GPR162: variants seen among roughly 807,000 people sequenced by gnomAD.
GPR162 encodes the protein probable G protein-coupled receptor 162.
A neutral mutation model predicts 44.9 loss-of-function variants in GPR162; 26 were observed. That is an observed-to-expected ratio of 0.58 (90% confidence interval 0.42 to 0.80). The LOEUF is 0.80. Ranked by LOEUF, GPR162 falls within the 30% of genes least tolerant of loss-of-function variation. The probability of loss-of-function intolerance (pLI) is 0.00; values close to 1 mark genes in which losing one functional copy is unlikely to be tolerated. For missense variants in GPR162, 704 were observed against 802.3 expected (o/e 0.88, Z 1.48); for synonymous variants, 363 against 335.2 (o/e 1.08, Z -0.91).
At position 6,822,148 on chromosome 12, in the gene GPR162, C is replaced by A. The variant is rs1274361189; in HGVS notation, c.-432+248C>A. On this transcript the variant is annotated intron_variant, in intron 1 of 4. Transcript: ENST00000311268. This position sits in a 1 kb window ranked among gnomAD's most constrained non-coding sequence, Gnocchi z 4.2. ...TCCTCTGATCTCTCCCTGTCCTTCACCTCCCTCTCTCTGTCCTTCACATCT... is the reference window on the plus strand; with the variant it reads ...TCCTCTGATCTCTCCCTGTCCTTCAACTCCCTCTCTCTGTCCTTCACATCT... Among the ~76,000 whole-genome samples, 1 of 152,190 alleles carries A rather than the reference C, an allele frequency of 6.6e-6. No individual in the cohort carries two copies. Among genetic ancestry groups the A allele is most frequent in the East Asian group, 1.9e-4 (1 of 5,178 alleles).
chr12:6,827,095 G>T lies in GPR162; in HGVS notation c.1658G>T (p.Gly553Val), dbSNP rs782377573. 1.1e-5 allele frequency: 17 copies of T among 1,613,302 alleles called. No homozygotes were observed. The East Asian group carries it at 3.6e-4, about 34-fold the overall frequency. Residue 553 changes from glycine to valine, a missense_variant, in exon 5 of 5, where the codon GGA becomes GTA. Physicochemically the swap from Gly to Val is moderately radical, Grantham distance 109 (BLOSUM62 -3). Around this residue, in one of 6 missense-constraint regions of GPR162, gnomAD observed 404 missense variants for 314.1 expected, o/e 1.29. Transcript: ENST00000311268. ...AGCAGAGCCGTTGGACTTCCTTTGG[G>T]ACTAAGCGCAGGGAGACGCTGCTCC... ...PESRAVGLPL[G>V]LSAGRRCSLT... is the part of the protein sequence containing the mutation.
rs1943318818 is a variant in GPR162, at chr12:6,824,149, A to G, written c.251A>G (p.Asp84Gly). The change falls in exon 2 of 5, where the codon GAC becomes GGC. Residue 84 changes from aspartate (D) to glycine (G), a missense_variant. Physicochemically the swap from Asp to Gly is moderately conservative, Grantham distance 94. This residue lies in a region of GPR162 where 110 missense variants were observed against 206.2 expected (regional missense o/e 0.53). Transcript: ENST00000311268. Reference sequence around the variant, plus strand: ...CGTCGTCAGGCTTCCTCCGACTATGACTGGAACGAGAGTATCTGCAAGGTC... The same window carrying G: ...CGTCGTCAGGCTTCCTCCGACTATGGCTGGAACGAGAGTATCTGCAAGGTC... ...QLRRQASSDYDWNESICKVFV... is the reference protein window; with the variant it reads ...QLRRQASSDYGWNESICKVFV... The G allele has an allele frequency of 6.2e-7, 1 of 1,613,900 alleles. No individual in the cohort carries two copies. The highest frequency in any genetic ancestry group is 2.2e-5 in the East Asian group (1 of 44,886).
chr12:6,825,461 A>T, intron 2 of GPR162, 23 bp from the exon 3 acceptor site: 3 of 1,563,996 alleles, frequency 1.9e-6, no homozygotes, highest in Non-Finnish European at 2.6e-6. Flanking sequence ...GCCCTGACCC[A>T]GCCCGCTCCC....
At chr12:6,826,060 A>G (rs1943350116) in intron 3 of GPR162, 136 bp from the exon 4 acceptor site, 1 of 674,776 alleles carries the variant, frequency 1.5e-6, no homozygotes, top group African/African-American at 1.8e-5. Context: ...AGCAAATGCT[A>G]GCCACTCTCA....
chr12:6,826,667 G>C lies in GPR162; in HGVS notation c.1230G>C (p.Arg410=), dbSNP rs1943360981. The C allele has an allele frequency of 6.6e-7, 1 of 1,521,096 alleles. No homozygotes were observed. Among genetic ancestry groups the C allele is most frequent in the Non-Finnish European group, 8.8e-7 (1 of 1,136,520 alleles). 94.2% of individuals were successfully genotyped at this position (1,521,096 alleles called of 1,614,324 possible). A position where few individuals can be genotyped will look rare whatever the true frequency, so the allele number is the denominator to read the frequency against. ...CCTCTTCCCAGGTCCCCCTATCCCG[G>C]CGTCTGTCCCATGATGAGACAAACA... ...RVHYLQVPLS[R]RLSHDETNIF... The change falls in exon 5 of 5, where the codon CGG becomes CGC. Residue 410 remains arginine (R), a synonymous_variant. Coordinates refer to ENST00000311268, the MANE Select transcript of GPR162 (RefSeq NM_019858.2).
intron 4 of GPR162, 139 bp from the exon 5 acceptor site, chr12:6,826,514 T>C: frequency 9.4e-7 from 1 of 1,068,022 alleles, no homozygotes; most frequent in Non-Finnish European, 1.3e-6. Flanking sequence ...CCTTCAGACC[T>C]CGTGGGGCCA....
chr12:6,826,199 G>A lies in GPR162; in HGVS notation c.1061G>A (p.Gly354Glu). The A allele has an allele frequency of 1.9e-6, 3 of 1,613,248 alleles. No homozygotes were observed. The highest frequency in any genetic ancestry group is 1.7e-6 in the Non-Finnish European group (2 of 1,179,506). ...CTCTGCCCATTTTCTCTCCTAGATG[G>A]GGGCTGTGACGACTATGCAGAGGGC... ...IMSEEDGDDD[G>E]GCDDYAEGRV... Residue 354 changes from glycine (G) to glutamate (E), a missense_variant, in exon 4 of 5, where the codon GGG (glycine) becomes GAG (glutamate). By Grantham distance (98) the Gly-to-Glu change is moderately conservative. Transcript: ENST00000311268.
At position 6,823,000 on chromosome 12, in the gene GPR162, T is replaced by C. The variant is rs1381907124; in HGVS notation, c.-431-468T>C. On this transcript the variant is annotated intron_variant, in intron 1 of 4. Coordinates refer to ENST00000311268, the MANE Select transcript of GPR162 (RefSeq NM_019858.2). The surrounding 1 kb of genome is among the most constrained non-coding windows in gnomAD (Gnocchi z 4.2). ...GGGTGATCACCCAGGTTTGGGGAAG[T>C]AGGGGCTAAGCACCAAGACCCCTGC... Among the ~76,000 whole-genome samples the C allele has an allele frequency of 6.6e-6, 1 of 152,110 alleles. No individual in the cohort carries two copies. Among genetic ancestry groups the C allele is most frequent in the Admixed American group, 6.5e-5 (1 of 15,280 alleles).
Position 6,827,102 on chromosome 12 carries a change from C to T in GPR162, c.1665C>T (p.Ser555=), listed in dbSNP as rs781918191. The change falls in exon 5 of 5, where the codon AGC becomes AGT. Residue 555 remains serine (S), a synonymous_variant. Coordinates refer to ENST00000311268, the MANE Select transcript of GPR162 (RefSeq NM_019858.2). ...CCGTTGGACTTCCTTTGGGACTAAG[C>T]GCAGGGAGACGCTGCTCCCTGACGG... is the stretch of plus-strand genomic sequence containing the variant. ...SRAVGLPLGL[S]AGRRCSLTGG... 1.5e-5 allele frequency: 24 copies of T among 1,613,170 alleles called. No homozygotes were observed. Among genetic ancestry groups the T allele is most frequent in the Admixed American group, 1.2e-4 (7 of 60,010 alleles).
In GPR162 at chr12:6,823,118, A is replaced by G. The variant is rs1943305479; in HGVS notation, c.-431-350A>G. 2.0e-5 allele frequency among the ~76,000 whole-genome samples: 3 copies of G among 152,326 alleles called. No individual in the cohort carries two copies. The South Asian group carries it at 6.2e-4, about 32-fold the overall frequency. ...AGAGGAAACCAGTCTTGTGTCTCCC[A>G]TCAGTAGTTCTGAAGAGACATTTAG... On this transcript the variant is annotated intron_variant, in intron 1 of 4. Coordinates refer to ENST00000311268, the MANE Select transcript of GPR162 (RefSeq NM_019858.2).
rs781917240 is a variant in GPR162 at position 6,826,964 on chromosome 12, C to T, written c.1527C>T (p.Ile509=). 63 of 1,613,312 alleles carry T rather than the reference C, an allele frequency of 3.9e-5. 1 individual carries two copies. Among genetic ancestry groups the T allele is most frequent in the South Asian group, 3.6e-4 (33 of 91,080 alleles). ...GFFREEITTF[I]DETPLPSPTA... Reference sequence around the variant, plus strand: ...TCCGGGAGGAGATCACCACCTTCATCGATGAGACACCTCTGCCTTCTCCGA... The same window carrying T: ...TCCGGGAGGAGATCACCACCTTCATTGATGAGACACCTCTGCCTTCTCCGA... The change falls in exon 5 of 5, where the codon ATC becomes ATT. Residue 509 remains isoleucine (I), a synonymous_variant. Coordinates refer to ENST00000311268, the MANE Select transcript of GPR162 (RefSeq NM_019858.2).
Position 6,827,128 on chromosome 12 carries a change from G to C in GPR162, c.1691G>C (p.Gly564Ala), listed in dbSNP as rs781840021. 9.9e-6 allele frequency: 16 copies of C among 1,613,354 alleles called. No homozygotes were observed. The East Asian group carries it at 3.1e-4, about 31-fold the overall frequency. The change falls in exon 5 of 5, where the codon GGG becomes GCG. Residue 564 changes from glycine to alanine, a missense_variant. Transcript: ENST00000311268. ...GCAGGGAGACGCTGCTCCCTGACGG[G>C]GGGTGAAGAAAGTGCAAGGGCTTGG... ...LSAGRRCSLT[G>A]GEESARAWGG... is the part of the protein sequence containing the mutation.
At position 6,821,873 on chromosome 12, in the gene GPR162, T is replaced by G. The variant is rs937390950; in HGVS notation, c.-459T>G. On this transcript the variant is annotated 5_prime_UTR_variant, in exon 1 of 5. It removes an upstream start codon present in the reference 5' UTR. Transcript: ENST00000311268. ...AGCCGCGTCGGGAGTGCGGTCTCCA[T>G]GGCAGTGCTGGGCGCAGCCGGAGAG... is the stretch of plus-strand genomic sequence containing the variant. 2 of 152,488 alleles carry G rather than the reference T, an allele frequency of 1.3e-5. No homozygotes were observed. Among genetic ancestry groups the G allele is most frequent in the Non-Finnish European group, 2.9e-5 (2 of 68,328 alleles). 9.4% of individuals were successfully genotyped at this position (152,488 alleles called of 1,614,324 possible).
At position 6,825,497 on chromosome 12, in the gene GPR162, T is replaced by C; in HGVS notation, c.881T>C (p.Phe294Ser). Residue 294 changes from phenylalanine to serine, a missense_variant, in exon 3 of 5, where the codon TTC becomes TCC. Around this residue, in one of 6 missense-constraint regions of GPR162, gnomAD observed 92 missense variants for 156.5 expected, o/e 0.59. Transcript: ENST00000311268. ...TGVPILVVSFFSLKSDSAPPW... is the reference protein window; with the variant it reads ...TGVPILVVSFSSLKSDSAPPW... ...ACCCTTCCCCAGGTGGTGAGCTTCTTCTCCCTCAAGTCGGACTCGGCGCCC... is the reference window on the plus strand; with the variant it reads ...ACCCTTCCCCAGGTGGTGAGCTTCTCCTCCCTCAAGTCGGACTCGGCGCCC... 1 of 1,608,978 alleles carries C rather than the reference T, an allele frequency of 6.2e-7. No homozygotes were observed. The highest frequency in any genetic ancestry group is 1.1e-5 in the South Asian group (1 of 90,368).
At chr12:6,826,536 C>T (rs147279690) in intron 4 of GPR162, 117 bp from the exon 5 acceptor site, 659 of 1,133,086 alleles carry the variant, frequency 5.8e-4, no homozygotes, top group Middle Eastern at 3.0e-3. Context: ...GTTTGCCCAC[C>T]GGAGCAAACG....
At position 6,821,856 on chromosome 12, in the gene GPR162, CG is replaced by C. The variant is rs1163080204; in HGVS notation, c.-473del. On this transcript the variant is annotated 5_prime_UTR_variant, in exon 1 of 5. Coordinates refer to ENST00000311268, the MANE Select transcript of GPR162 (RefSeq NM_019858.2). ...CAGCGGGAGCCCGAGAGAGCCGCGTCGGGAGTGCGGTCTCCATGGCAGTGCT... is the reference window on the plus strand; with the variant it reads ...CAGCGGGAGCCCGAGAGAGCCGCGTCGGAGTGCGGTCTCCATGGCAGTGCT... The C allele has an allele frequency of 1.3e-5, 2 of 152,456 alleles. No individual in the cohort carries two copies. The highest frequency in any genetic ancestry group is 4.8e-5 in the African/African-American group (2 of 41,398). 9.4% of individuals were successfully genotyped at this position (152,456 alleles called of 1,614,324 possible).
intron 2 of GPR162, chr12:6,825,008 C>T: frequency 2.9e-6 from 2 of 684,508 alleles, no homozygotes; most frequent in Non-Finnish European, 5.4e-6. Context: ...CACTCCTCAG[C>T]TCCATCACCG....
intron 2 of GPR162, 93 bp from the exon 3 acceptor site, chr12:6,825,391 C>G (rs1943341052): frequency 1.4e-6 from 1 of 735,418 alleles, no homozygotes; most frequent in Admixed American, 2.5e-5. Flanking sequence ...GGCATTACTT[C>G]TGACGTCTTG....
chr12:6,823,377 T>C (rs1402829274), intron 1 of GPR162, 91 bp from the exon 2 acceptor site: 6 of 244,594 alleles, frequency 2.5e-5, no homozygotes, highest in Non-Finnish European at 4.7e-5. Flanking sequence ...ATGCCTATAG[T>C]TTCAAGAAAG....
Sources: allele counts gnomAD v4.1 joint callset (sites outside exome capture counted in the v4.1 genomes callset), GRCh38; gene constraint gnomAD v4.1.1; regional missense constraint gnomAD v4.1.1; non-coding constraint Gnocchi (gnomAD v3.1); transcripts MANE v1.5; gene names NCBI Gene and HGNC (gene_info 2026-07-23, HGNC 2026-07-21).